NDOR1: variants seen among roughly 807,000 people sequenced by gnomAD.
The protein encoded by NDOR1 is NADPH dependent diflavin oxidoreductase 1, also known as NADPH-dependent diflavin oxidoreductase 1.
In NDOR1, 61 loss-of-function variants were observed where a neutral mutation model predicts 67.2. That is an observed-to-expected ratio of 0.91 (90% CI 0.74 to 1.12). The LOEUF is 1.12. Ranked by LOEUF, NDOR1 falls within the 50% of genes most tolerant of loss-of-function variation. The pLI, the probability that NDOR1 is intolerant of heterozygous loss-of-function variation, is 0.00. For synonymous variants in NDOR1, 378 were observed against 343.7 expected, an observed-to-expected ratio of 1.10 and a Z score of -1.10; for missense variants, 878 against 802.8, an observed-to-expected ratio of 1.09 and a Z score of -1.13.
chr9:137,209,515 A>T (rs915028422), intron 2 of NDOR1, among the ~76,000 whole-genome samples: 4 of 152,074 alleles, frequency 2.6e-5, no homozygotes, highest in Admixed American at 6.5e-5. Flanking sequence ...CACAGAGAAG[A>T]CCAGGAGTTG....
At chr9:137,215,623 T>G (rs1027201954) in intron 10 of NDOR1, 36 bp from the exon 11 acceptor site, 1 of 1,588,170 alleles carries the variant, frequency 6.3e-7, no homozygotes, top group African/African-American at 1.4e-5. Context: ...AGCACAGGTC[T>G]TTGATCCTCT....
chr9:137,218,509 G>C lies in NDOR1; in HGVS notation c.*2093G>C, dbSNP rs1203340560. 2.5e-6 allele frequency: 1 copy of C among 400,652 alleles called. No individual in the cohort carries two copies. Among genetic ancestry groups the C allele is most frequent in the African/African-American group, 2.1e-5 (1 of 48,636 alleles). 24.8% of individuals were successfully genotyped at this position (400,652 alleles called of 1,614,324 possible). ...CCCGCCGCCTGGCGCTGCTGAGCCT[G>C]CTGGCCCTTGAGCTTCTGGGGCTGC... is the stretch of plus-strand genomic sequence containing the variant. On this transcript the variant is annotated 3_prime_UTR_variant, in exon 14 of 14. Coordinates refer to ENST00000684003, the MANE Select transcript of NDOR1 (RefSeq NM_014434.4).
At chr9:137,211,876 TG>T (rs979972482) in intron 2 of NDOR1, among the ~76,000 whole-genome samples, 1 of 147,058 alleles carries the variant, frequency 6.8e-6, no homozygotes, top group African/African-American at 2.5e-5. Flanking sequence ...GTAGGTTCCT[TG>T]GGGGGGCCTC....
At position 137,214,185 on chromosome 9, in the gene NDOR1, C is replaced by G. The variant is rs747340380; in HGVS notation, c.513-19C>G. On this transcript the variant is annotated intron_variant, in intron 5 of 13. Transcript: ENST00000684003. ...CCCTGGGGAGTGGGTCCTGGTCTGA[C>G]CAGCGTGCCCTCCCACAGCCTGCCC... 5.6e-6 allele frequency: 9 copies of G among 1,600,710 alleles called. No homozygotes were observed. Among genetic ancestry groups the G allele is most frequent in the Middle Eastern group, 1.7e-4 (1 of 6,044 alleles).
intron 2 of NDOR1, among the ~76,000 whole-genome samples, chr9:137,210,755 G>A (rs1432479545): frequency 1.3e-5 from 2 of 152,182 alleles, no homozygotes; most frequent in Admixed American, 1.3e-4. Context: ...GCTGAGGTTG[G>A]AGGATCGCTT....
At position 137,218,139 on chromosome 9, in the gene NDOR1, A is replaced by G. The variant is rs949324845; in HGVS notation, c.*1723A>G. 5 of 398,026 alleles carry G rather than the reference A, an allele frequency of 1.3e-5. No homozygotes were observed. Among genetic ancestry groups the G allele is most frequent in the East Asian group, 7.1e-5 (2 of 28,006 alleles). 24.7% of individuals were successfully genotyped at this position (398,026 alleles called of 1,614,324 possible). A position where few individuals can be genotyped will look rare whatever the true frequency, so the allele number is the denominator to read the frequency against. ...CGCCTGGCCCTGCTGAACTGTAGCCACGGCCTGTGTGTGGGCTGCCTGCAC... is the reference window on the plus strand; with the variant it reads ...CGCCTGGCCCTGCTGAACTGTAGCCGCGGCCTGTGTGTGGGCTGCCTGCAC... On this transcript the variant is annotated 3_prime_UTR_variant, in exon 14 of 14. Transcript: ENST00000684003.
rs190074799 is a variant in NDOR1, at chr9:137,213,061, C to T, written c.311+462C>T. 3.1e-3 allele frequency among the ~76,000 whole-genome samples: 473 copies of T among 152,318 alleles called. 1 individual carries two copies. The highest frequency in any genetic ancestry group is 0.011 in the African/African-American group (449 of 41,570). On this transcript the variant is annotated intron_variant, in intron 3 of 13. Coordinates refer to ENST00000684003, the MANE Select transcript of NDOR1 (RefSeq NM_014434.4). ...TTAGACCCCACAACGGTGAAAACCC[C>T]GACTGTCCACGTAGGGCCCAGGTCC...
At chr9:137,210,842 GTC>G (rs1471129308) in intron 2 of NDOR1, among the ~76,000 whole-genome samples, 1 of 152,052 alleles carries the variant, frequency 6.6e-6, no homozygotes, top group African/African-American at 2.4e-5. Flanking sequence ...ATGAGACCCT[GTC>G]TCAACAACAA....
rs1422368654 is a variant in NDOR1 at position 137,213,991 on chromosome 9, G to A, written c.435G>A (p.Trp145Ter). 11 of 1,556,348 alleles carry A rather than the reference G, an allele frequency of 7.1e-6. No individual in the cohort carries two copies. Among genetic ancestry groups the A allele is most frequent in the Non-Finnish European group, 8.7e-6 (10 of 1,151,622 alleles). The part of the protein sequence containing the change: ...ELGPDAAVDP[W>*]LRDLWDRVLG... ...GGCCCGACGCTGCTGTGGACCCCTGGCTGCGAGACTTGTGGGACAGGGTTC... is the reference window on the plus strand; with the variant it reads ...GGCCCGACGCTGCTGTGGACCCCTGACTGCGAGACTTGTGGGACAGGGTTC... The change falls in exon 5 of 14, where the codon TGG becomes TGA. Residue 145 changes from tryptophan (W) to a stop codon, truncating the protein, a stop_gained. Coordinates refer to ENST00000684003, the MANE Select transcript of NDOR1 (RefSeq NM_014434.4). LOFTEE classifies it high-confidence loss of function.
intron 3 of NDOR1, among the ~76,000 whole-genome samples, chr9:137,213,394 C>T (rs1835356788): frequency 6.6e-6 from 1 of 152,208 alleles, no homozygotes; most frequent in South Asian, 2.1e-4. Flanking sequence ...GCCTGGCTCT[C>T]TCCCCAGCAC....
intron 2 of NDOR1, 88 bp downstream of exon 2, chr9:137,206,397 C>G: frequency 7.4e-7 from 1 of 1,344,944 alleles, no homozygotes; most frequent in Non-Finnish European, 1.1e-6. Context: ...CAGTAAATAG[C>G]TCTCCTTTAT....
chr9:137,206,382 A>G, intron 2 of NDOR1, 73 bp downstream of exon 2: 1 of 1,463,058 alleles, frequency 6.8e-7, no homozygotes, highest in Non-Finnish European at 9.6e-7. Context: ...CCTGGCGTCT[A>G]GGTGCAGTAA....
intron 2 of NDOR1, among the ~76,000 whole-genome samples, chr9:137,208,804 A>G (rs1835106472): frequency 6.7e-6 from 1 of 149,588 alleles, no homozygotes; most frequent in African/African-American, 2.4e-5. Context: ...AGCCTGGGCG[A>G]CAGAGCAAGA....
chr9:137,211,843 G>A (rs919871037), intron 2 of NDOR1, among the ~76,000 whole-genome samples: 1 of 151,932 alleles, frequency 6.6e-6, no homozygotes, highest in Non-Finnish European at 1.5e-5. Context: ...CAGGCCACCT[G>A]GGATCCAGGT....
In NDOR1 at chr9:137,217,298, C is replaced by T. The variant is rs1055815525; in HGVS notation, c.*882C>T. 3.9e-5 allele frequency among the ~76,000 whole-genome samples: 6 copies of T among 152,134 alleles called. No individual in the cohort carries two copies. Among genetic ancestry groups the T allele is most frequent in the Non-Finnish European group, 5.9e-5 (4 of 68,030 alleles). On this transcript the variant is annotated 3_prime_UTR_variant, in exon 14 of 14. Transcript: ENST00000684003. Reference sequence around the variant, plus strand: ...CCTCGTTCTTAAGGGCATAGTGGGTCGGCTAAGATCTGATCGCCAGGACTG... The same window carrying T: ...CCTCGTTCTTAAGGGCATAGTGGGTTGGCTAAGATCTGATCGCCAGGACTG...
chr9:137,214,515 G>A, intron 6 of NDOR1, 55 bp from the exon 7 acceptor site: 1 of 1,608,998 alleles, frequency 6.2e-7, no homozygotes, highest in Non-Finnish European at 8.5e-7. Context: ...TCTATCCGGG[G>A]CCCCGACATC....
At chr9:137,207,016 G>A (rs758393448) in intron 2 of NDOR1, among the ~76,000 whole-genome samples, 12 of 152,084 alleles carry the variant, frequency 7.9e-5, no homozygotes, top group Admixed American at 6.6e-4. Context: ...AGTACACTGG[G>A]GCAAGAGGGG....
intron 1 of NDOR1, 146 bp from the exon 2 acceptor site, chr9:137,206,086 T>C (rs1356093227): frequency 7.0e-7 from 1 of 1,436,928 alleles, no homozygotes; most frequent in Non-Finnish European, 9.7e-7. Flanking sequence ...TGGAGGAGGT[T>C]GGAACCTGAA....
chr9:137,211,075 A>T (rs2131369039), intron 2 of NDOR1, among the ~76,000 whole-genome samples: 1 of 152,314 alleles, frequency 6.6e-6, no homozygotes, highest in South Asian at 2.1e-4. Flanking sequence ...TGGGAGGCGG[A>T]GGTTGCGGTG....
Sources: allele counts gnomAD v4.1 joint callset (sites outside exome capture counted in the v4.1 genomes callset), GRCh38; gene constraint gnomAD v4.1.1; transcripts MANE v1.5; gene names NCBI Gene and HGNC (gene_info 2026-07-23, HGNC 2026-07-21).